Variants in SLC60A1 observed in about 807,000 individuals in gnomAD.
SLC60A1 encodes major facilitator superfamily domain containing 4.
At chr1:205,600,508 A>G in the SLC60A1 span, 7 of 1,586,830 alleles carry the variant, frequency 4.4e-6, no homozygotes, top group Admixed American at 3.3e-5. Context: ...CTTGATCACC[A>G]GCACGACCAT....
the SLC60A1 span, among the ~76,000 whole-genome samples, chr1:205,594,214 C>T: frequency 2.0e-5 from 3 of 152,192 alleles, no homozygotes; most frequent in South Asian, 2.1e-4. Flanking sequence ...CTCCCATGGG[C>T]GAGGGCCCAG....
chr1:205,600,332 C>T, the SLC60A1 span: 5 of 1,468,138 alleles, frequency 3.4e-6, no homozygotes, highest in African/African-American at 2.8e-5. Context: ...CCTGGGTAAG[C>T]TCTCAGAATG....
At chr1:205,586,699 C>CT in the SLC60A1 span, among the ~76,000 whole-genome samples, 29,707 of 142,202 alleles carry the variant, frequency 0.21, 3,284 homozygotes, top group African/African-American at 0.28. Context: ...CTAGGTGACT[C>CT]TTTTTTTTTT....
the SLC60A1 span, chr1:205,581,042 T>C: frequency 1.5e-6 from 2 of 1,320,908 alleles, no homozygotes; most frequent in South Asian, 1.5e-5. This position sits in a 1 kb window ranked among gnomAD's most constrained non-coding sequence, Gnocchi z 4.2. Flanking sequence ...GAGGTGTGCA[T>C]CCCAGAGGCA....
At chr1:205,582,434 GC>G in the SLC60A1 span, among the ~76,000 whole-genome samples, 1 of 152,224 alleles carries the variant, frequency 6.6e-6, no homozygotes, top group African/African-American at 2.4e-5. Context: ...CACCCCACCT[GC>G]CCTTCTCTGA....
the SLC60A1 span, chr1:205,600,306 G>C: frequency 1.6e-6 from 2 of 1,243,046 alleles, no homozygotes; most frequent in Non-Finnish European, 2.3e-6. Context: ...CCACAGAATG[G>C]CAGAGAAACA....
the SLC60A1 span, among the ~76,000 whole-genome samples, chr1:205,572,540 C>T: frequency 1.3e-5 from 2 of 152,158 alleles, no homozygotes; most frequent in Non-Finnish European, 2.9e-5. Context: ...ATGACTCCCT[C>T]CTGGCCATTG....
chr1:205,587,493 AG>A, the SLC60A1 span, among the ~76,000 whole-genome samples: 1 of 152,048 alleles, frequency 6.6e-6, no homozygotes, highest in Non-Finnish European at 1.5e-5. Flanking sequence ...CAAACGCAAG[AG>A]GTTGAGGGTG....
the SLC60A1 span, chr1:205,602,749 AAGC>A: frequency 1.3e-5 from 2 of 152,202 alleles, no homozygotes; most frequent in African/African-American, 4.8e-5. Context: ...GGCAATGAAA[AAGC>A]AGTTGTATTT....
chr1:205,582,898 A>G, the SLC60A1 span, among the ~76,000 whole-genome samples: 1 of 152,326 alleles, frequency 6.6e-6, no homozygotes, highest in African/African-American at 2.4e-5. Flanking sequence ...CTCCAGGGGC[A>G]GGGAAGGGCT....
At chr1:205,596,891 T>C in the SLC60A1 span, among the ~76,000 whole-genome samples, 1 of 152,278 alleles carries the variant, frequency 6.6e-6, no homozygotes, top group South Asian at 2.1e-4. Context: ...GAAGGAGGTG[T>C]GATGCTCATC....
the SLC60A1 span, among the ~76,000 whole-genome samples, chr1:205,577,960 A>G: frequency 7.0e-4 from 106 of 152,230 alleles, 1 homozygote; most frequent in South Asian, 0.013. This position sits in a 1 kb window ranked among gnomAD's most constrained non-coding sequence, Gnocchi z 5.2. Flanking sequence ...AGACCGTAGT[A>G]CTCGCTATCA....
chr1:205,581,558 G>C, the SLC60A1 span, among the ~76,000 whole-genome samples: 1 of 152,226 alleles, frequency 6.6e-6, no homozygotes, highest in Non-Finnish European at 1.5e-5. The surrounding 1 kb of genome is among the most constrained non-coding windows in gnomAD (Gnocchi z 4.2). Context: ...CCAGACTGGA[G>C]CCAGAGTGTC....
At chr1:205,579,196 C>T in the SLC60A1 span, among the ~76,000 whole-genome samples, 284 of 152,308 alleles carry the variant, frequency 1.9e-3, no homozygotes, top group Non-Finnish European at 3.0e-3. Flanking sequence ...ACCTGAATAC[C>T]TGGGTTGTGG....
At chr1:205,592,323 T>C in the SLC60A1 span, 4 of 1,569,492 alleles carry the variant, frequency 2.5e-6, no homozygotes, top group East Asian at 2.3e-5. Flanking sequence ...GCGCGCTCTA[T>C]CTAGCTGGGC....
At chr1:205,599,260 A>G in the SLC60A1 span, 1 of 1,613,714 alleles carries the variant, frequency 6.2e-7, no homozygotes, top group Admixed American at 1.7e-5. Context: ...AGGTAAGGAA[A>G]GTATCTGTTT....
chr1:205,592,369 T>C, the SLC60A1 span: 4 of 367,350 alleles, frequency 1.1e-5, no homozygotes, highest in Non-Finnish European at 1.4e-5. Flanking sequence ...CTCTGTGCTC[T>C]TTTTTTTTTT....
the SLC60A1 span, chr1:205,600,333 T>C: frequency 6.8e-7 from 1 of 1,478,612 alleles, no homozygotes; most frequent in South Asian, 1.2e-5. Context: ...CTGGGTAAGC[T>C]CTCAGAATGA....
the SLC60A1 span, among the ~76,000 whole-genome samples, chr1:205,594,489 C>G: frequency 6.6e-6 from 1 of 151,930 alleles, no homozygotes. Flanking sequence ...AACCCCAGCT[C>G]TACTAAAAGT....
Sources: allele counts gnomAD v4.1 joint callset (sites outside exome capture counted in the v4.1 genomes callset), GRCh38; gene constraint gnomAD v4.1.1; non-coding constraint Gnocchi (gnomAD v3.1); transcripts MANE v1.5; gene names NCBI Gene and HGNC (gene_info 2026-07-23, HGNC 2026-07-21).